Variants in KIF21A observed in about 807,000 individuals in gnomAD.
The protein encoded by KIF21A is kinesin family member 21A, also known as kinesin-like protein KIF21A.
A neutral mutation model predicts 202.9 loss-of-function variants in KIF21A; 114 were observed. The observed-to-expected ratio is 0.56, with a 90% CI of 0.48 to 0.66. KIF21A has a LOEUF of 0.66. Ranked by LOEUF, KIF21A falls within the 30% of genes least tolerant of loss-of-function variation. The pLI is 0.00. For missense variants in KIF21A, 1,677 were observed against 1,994.9 expected (o/e 0.84, Z 3.04); for synonymous variants, 667 against 670.8 (o/e 0.99, Z 0.09).
intron 1 of KIF21A, among the ~76,000 whole-genome samples, chr12:39,424,942 ATAAGGCCCT>A (rs1439582576): frequency 1.3e-5 from 2 of 152,098 alleles, no homozygotes; most frequent in Non-Finnish European, 2.9e-5. Context: ...ACCCAGACCT[ATAAGGCCCT>A]TAATGATCTT....
chr12:39,357,041 C>CCT, intron 9 of KIF21A, 146 bp from the exon 10 acceptor site: 1 of 650,210 alleles, frequency 1.5e-6, no homozygotes, highest in Non-Finnish European at 2.7e-6. Flanking sequence ...CATGAGCAGA[C>CCT]CACAAGATAA....
At chr12:39,333,422 T>C (rs998244670) in intron 17 of KIF21A, 142 bp from the exon 18 acceptor site, 4 of 669,924 alleles carry the variant, frequency 6.0e-6, no homozygotes, top group South Asian at 1.7e-5. Flanking sequence ...GTATATATTA[T>C]TACAGGTACA....
At chr12:39,392,881 G>C (rs1421838523) in intron 1 of KIF21A, among the ~76,000 whole-genome samples, 1 of 138,256 alleles carries the variant, frequency 7.2e-6, no homozygotes, top group East Asian at 2.1e-4. Flanking sequence ...AATTTTAAAA[G>C]AAAAAGACAA....
intron 37 of KIF21A, among the ~76,000 whole-genome samples, chr12:39,298,527 G>A (rs1942640442): frequency 6.6e-6 from 1 of 152,158 alleles, no homozygotes; most frequent in Non-Finnish European, 1.5e-5. Context: ...ACTGCAGGAA[G>A]AGTTAAACTT....
intron 37 of KIF21A, among the ~76,000 whole-genome samples, chr12:39,298,299 G>A (rs966514872): frequency 6.6e-6 from 1 of 152,150 alleles, no homozygotes; most frequent in Non-Finnish European, 1.5e-5. Context: ...GATCTATGCA[G>A]AGAAAAGAAC....
rs750450259 is a variant in KIF21A at position 39,341,563 on chromosome 12, T to TTCCTCC, written c.1857_1862dup (p.Glu620_Glu621dup). On this transcript the variant is annotated inframe_insertion, in exon 14 of 38. Coordinates refer to ENST00000361418, the MANE Select transcript of KIF21A (RefSeq NM_001173464.2). ...AACTTTCACCCCCATCAATGTCATC[T>TTCCTCC]TCCTCCTCCTCCTCCTCCTCTTCTT... 1 of 1,605,086 alleles carries TTCCTCC rather than the reference T, an allele frequency of 6.2e-7. No individual in the cohort carries two copies. The highest frequency in any genetic ancestry group is 8.5e-7 in the Non-Finnish European group (1 of 1,172,884).
At chr12:39,420,412 T>TA (rs1954155633) in intron 1 of KIF21A, among the ~76,000 whole-genome samples, 1 of 152,018 alleles carries the variant, frequency 6.6e-6, no homozygotes, top group Non-Finnish European at 1.5e-5. Context: ...CCCAAGGGTG[T>TA]AATGGCCAGC....
chr12:39,381,495 A>G (rs1376133774), intron 1 of KIF21A, among the ~76,000 whole-genome samples: 3 of 152,102 alleles, frequency 2.0e-5, no homozygotes, highest in Non-Finnish European at 4.4e-5. Flanking sequence ...TATGGATGAT[A>G]CTGTGCAGAT....
At chr12:39,355,301 A>G (rs2138777853) in intron 10 of KIF21A, among the ~76,000 whole-genome samples, 1 of 152,314 alleles carries the variant, frequency 6.6e-6, no homozygotes, top group East Asian at 1.9e-4. Flanking sequence ...GTAGTTTTCT[A>G]GGAAATAAGC....
At position 39,443,084 on chromosome 12, in the gene KIF21A, G is replaced by T; in HGVS notation, c.-114C>A. ...TGGGGCGTCTGCGGGCGGGCGGCCG[G>T]CTCACCTCCGCCGCGCTCCAGCCAT... On this transcript the variant is annotated 5_prime_UTR_variant, in exon 1 of 38. Coordinates refer to ENST00000361418, the MANE Select transcript of KIF21A (RefSeq NM_001173464.2). The T allele has an allele frequency of 1.9e-6, 2 of 1,043,932 alleles. No individual in the cohort carries two copies. The highest frequency in any genetic ancestry group is 2.6e-6 in the Non-Finnish European group (2 of 773,250). 64.7% of individuals were successfully genotyped at this position (1,043,932 alleles called of 1,614,324 possible).
At chr12:39,415,222 A>G (rs1371625611) in intron 1 of KIF21A, among the ~76,000 whole-genome samples, 2 of 134,072 alleles carry the variant, frequency 1.5e-5, no homozygotes, top group Non-Finnish European at 3.1e-5. Context: ...AAAGTCTGGT[A>G]GAGAATGCTT....
chr12:39,409,159 A>G (rs1952863982), intron 1 of KIF21A, among the ~76,000 whole-genome samples: 1 of 151,730 alleles, frequency 6.6e-6, no homozygotes. Flanking sequence ...TGAAAGTACA[A>G]TGGCCAATAA....
chr12:39,361,797 C>T (rs893837833), intron 7 of KIF21A, among the ~76,000 whole-genome samples: 5 of 152,054 alleles, frequency 3.3e-5, no homozygotes, highest in Non-Finnish European at 7.4e-5. Flanking sequence ...TGAGCCACTG[C>T]GCCCGGCCAA....
At chr12:39,391,154 C>T (rs7966841) in intron 1 of KIF21A, among the ~76,000 whole-genome samples, 14,805 of 152,116 alleles carry the variant, frequency 0.097, 741 homozygotes, top group East Asian at 0.14. Flanking sequence ...TCTGGAAAGA[C>T]GAGTATCCTG....
intron 26 of KIF21A, among the ~76,000 whole-genome samples, chr12:39,323,214 G>T (rs1466143377): frequency 1.3e-5 from 2 of 151,974 alleles, no homozygotes; most frequent in Admixed American, 6.6e-5. Flanking sequence ...TTTGGCCAAG[G>T]TCATATACCT....
chr12:39,311,584 A>T (rs1276237875), intron 31 of KIF21A, 31 bp from the exon 32 acceptor site: 13 of 1,610,884 alleles, frequency 8.1e-6, no homozygotes, highest in Non-Finnish European at 1.0e-5. Flanking sequence ...ACAAACCAAG[A>T]CTCACTTCAG....
chr12:39,389,179 TAC>T (rs10632410), intron 1 of KIF21A, among the ~76,000 whole-genome samples: 2,672 of 141,532 alleles, frequency 0.019, 38 homozygotes, highest in South Asian at 0.043. Flanking sequence ...TAAATACACA[TAC>T]ACACACACAC....
chr12:39,388,332 T>G (rs1265556001), intron 1 of KIF21A, among the ~76,000 whole-genome samples: 1 of 152,178 alleles, frequency 6.6e-6, no homozygotes, highest in Non-Finnish European at 1.5e-5. Flanking sequence ...CCATCGTAAG[T>G]GGAAGCAGTC....
intron 7 of KIF21A, among the ~76,000 whole-genome samples, chr12:39,362,001 T>C (rs1199478451): frequency 6.6e-6 from 1 of 152,138 alleles, no homozygotes; most frequent in Non-Finnish European, 1.5e-5. Flanking sequence ...CAAATTTCCC[T>C]CTTGGAACTG....
Sources: gnomAD v4.1 joint callset for allele counts (sites outside exome capture counted in the v4.1 genomes callset) on GRCh38, gnomAD v4.1.1 for gene constraint, MANE v1.5 for transcripts, NCBI Gene and HGNC (gene_info 2026-07-23, HGNC 2026-07-21) for gene names.